Variants in RALA observed in about 807,000 individuals in gnomAD.
RALA encodes the protein RAS like proto-oncogene A.
Under a neutral mutation model 24.0 loss-of-function variants are expected in RALA, and 5 were observed. That is an observed-to-expected ratio of 0.21 (90% CI 0.11 to 0.44). RALA has a LOEUF of 0.44. Among genes scored for constraint, RALA ranks in the 20% least tolerant of loss-of-function variants. The pLI, the probability that RALA is intolerant of heterozygous loss-of-function variation, is 0.99. For synonymous variants in RALA, 77 were observed against 83.8 expected (o/e 0.92, Z 0.44); for missense variants, 95 against 241.2 (o/e 0.39, Z 4.01).
chr7:39,661,619 A>G (rs6952866), intron 1 of RALA, among the ~76,000 whole-genome samples: 102,350 of 152,142 alleles, frequency 0.67, 35,132 homozygotes, highest in African/African-American at 0.8. Flanking sequence ...TCTGATGCAA[A>G]AGGTGGGTTC....
At chr7:39,633,104 C>T (rs1358641272) in intron 1 of RALA, among the ~76,000 whole-genome samples, 1 of 152,146 alleles carries the variant, frequency 6.6e-6, no homozygotes, top group Non-Finnish European at 1.5e-5. Context: ...TAGGGATTCC[C>T]TTCTAGGCTT....
At chr7:39,630,798 G>A (rs780987729) in intron 1 of RALA, among the ~76,000 whole-genome samples, 4 of 151,954 alleles carry the variant, frequency 2.6e-5, no homozygotes, top group Non-Finnish European at 5.9e-5. Context: ...TATGCAGTTG[G>A]GTATATTTTT....
intron 1 of RALA, among the ~76,000 whole-genome samples, chr7:39,657,127 C>G (rs1184081488): frequency 6.6e-6 from 1 of 152,036 alleles, no homozygotes; most frequent in Non-Finnish European, 1.5e-5. Context: ...CCATCATGCT[C>G]AGGTAGTTTT....
chr7:39,627,573 C>G (rs910602247), intron 1 of RALA, among the ~76,000 whole-genome samples: 2 of 152,160 alleles, frequency 1.3e-5, no homozygotes, highest in Non-Finnish European at 2.9e-5. Context: ...GGCGTATACT[C>G]CCAGATTTAT....
chr7:39,627,329 A>C (rs533459896), intron 1 of RALA, among the ~76,000 whole-genome samples: 1 of 152,316 alleles, frequency 6.6e-6, no homozygotes, highest in South Asian at 2.1e-4. Flanking sequence ...TTAGTTTCTG[A>C]AAGTCAAGAG....
At position 39,677,192 on chromosome 7, in the gene RALA, C is replaced by G. The variant is rs575370877; in HGVS notation, c.-37-9439C>G. ...AAGCGAAAGAGGCAAGGAGCACATTCTCCCCTGAAGCCCCCTCAAGGAACC... is the reference window on the plus strand; with the variant it reads ...AAGCGAAAGAGGCAAGGAGCACATTGTCCCCTGAAGCCCCCTCAAGGAACC... On this transcript the variant is annotated intron_variant, in intron 1 of 4. Coordinates refer to ENST00000005257, the MANE Select transcript of RALA (RefSeq NM_005402.4). Among the ~76,000 whole-genome samples, 17 of 152,356 alleles carry G rather than the reference C, an allele frequency of 1.1e-4. No individual in the cohort carries two copies. In the South Asian group the frequency reaches 3.5e-3, roughly 32 times the overall value.
chr7:39,640,186 T>C (rs1188680172), intron 1 of RALA, among the ~76,000 whole-genome samples: 1 of 152,098 alleles, frequency 6.6e-6, no homozygotes, highest in South Asian at 2.1e-4. Context: ...GCTGGGACTA[T>C]AGGTGCATGG....
At position 39,706,067 on chromosome 7, in the gene RALA, A is replaced by T; in HGVS notation, c.499-56A>T. On this transcript the variant is annotated intron_variant, in intron 4 of 4. Transcript: ENST00000005257. ...CAAAGTTTACTGCTGTGATTTGGAG[A>T]AGTACCAAGTTCATGTATCTGTTTG... 2.0e-6 allele frequency: 3 copies of T among 1,467,946 alleles called. No individual in the cohort carries two copies. In the African/African-American group the frequency reaches 4.3e-5, roughly 21 times the overall value. 90.9% of individuals were successfully genotyped at this position (1,467,946 alleles called of 1,614,324 possible).
At chr7:39,676,192 G>C (rs1792484862) in intron 1 of RALA, among the ~76,000 whole-genome samples, 1 of 152,082 alleles carries the variant, frequency 6.6e-6, no homozygotes, top group Non-Finnish European at 1.5e-5. Flanking sequence ...AGCCAGGATG[G>C]TCTCGATCTC....
At chr7:39,628,049 A>G (rs1430639963) in intron 1 of RALA, among the ~76,000 whole-genome samples, 1 of 150,838 alleles carries the variant, frequency 6.6e-6, no homozygotes, top group African/African-American at 2.4e-5. Flanking sequence ...ACCAATACCC[A>G]GCTTCTGGAA....
intron 1 of RALA, among the ~76,000 whole-genome samples, chr7:39,669,617 G>A (rs1225821847): frequency 6.6e-6 from 1 of 152,020 alleles, no homozygotes; most frequent in African/African-American, 2.4e-5. Context: ...TTCAAGACCA[G>A]CCTGAGCAAC....
chr7:39,695,038 G>A (rs1452575705), intron 3 of RALA, among the ~76,000 whole-genome samples: 1 of 150,560 alleles, frequency 6.6e-6, no homozygotes, highest in Non-Finnish European at 1.5e-5. Flanking sequence ...CAGCCTGGGT[G>A]ACAGAGTAAG....
At chr7:39,681,031 C>G (rs116359352) in intron 1 of RALA, among the ~76,000 whole-genome samples, 1 of 152,150 alleles carries the variant, frequency 6.6e-6, no homozygotes, top group Non-Finnish European at 1.5e-5. Flanking sequence ...GAAGAGATGT[C>G]CCTGCTCCTG....
chr7:39,689,113 C>T (rs1201631422), intron 2 of RALA, among the ~76,000 whole-genome samples: 2 of 152,144 alleles, frequency 1.3e-5, no homozygotes, highest in Non-Finnish European at 2.9e-5. Context: ...TGATCCCTCC[C>T]CCAGCATTGG....
chr7:39,638,398 G>C (rs1791722523), intron 1 of RALA, among the ~76,000 whole-genome samples: 1 of 152,148 alleles, frequency 6.6e-6, no homozygotes, highest in Non-Finnish European at 1.5e-5. Flanking sequence ...CTTTTACTTA[G>C]CATAGTGTCT....
chr7:39,654,365 A>G (rs566750743), intron 1 of RALA, among the ~76,000 whole-genome samples: 31 of 152,320 alleles, frequency 2.0e-4, no homozygotes, highest in Admixed American at 1.8e-3. Context: ...GATGGGGCTT[A>G]CAGACAGTTT....
At chr7:39,685,701 G>A (rs1245939129) in intron 1 of RALA, among the ~76,000 whole-genome samples, 1 of 151,584 alleles carries the variant, frequency 6.6e-6, no homozygotes, top group Non-Finnish European at 1.5e-5. Flanking sequence ...AGATTGGCCA[G>A]CCATCCCAAG....
At chr7:39,680,376 C>CA (rs768676729) in intron 1 of RALA, among the ~76,000 whole-genome samples, 26 of 50,658 alleles carry the variant, frequency 5.1e-4, no homozygotes, top group Non-Finnish European at 7.2e-4. Flanking sequence ...GACTCTGTCT[C>CA]AAAAAAAAAC....
At chr7:39,679,736 A>G (rs1285537494) in intron 1 of RALA, among the ~76,000 whole-genome samples, 4 of 150,986 alleles carry the variant, frequency 2.6e-5, no homozygotes, top group African/African-American at 7.3e-5. Flanking sequence ...TTTTTTTGAG[A>G]CAGACTCTCT....
Sources: allele counts gnomAD v4.1 joint callset (sites outside exome capture counted in the v4.1 genomes callset), GRCh38; gene constraint gnomAD v4.1.1; transcripts MANE v1.5; gene names NCBI Gene and HGNC (gene_info 2026-07-23, HGNC 2026-07-21).